The following PRMT8 variants were observed in gnomAD, a reference collection of about 807,000 sequenced individuals.
PRMT8 encodes protein arginine methyltransferase 8.
In PRMT8, 7 loss-of-function variants were observed where a neutral mutation model predicts 47.1. The observed-to-expected ratio is 0.15, with a 90% confidence interval of 0.08 to 0.28. The LOEUF (loss-of-function observed/expected upper bound fraction) is 0.28, where lower values mean the gene tolerates loss of function less well. PRMT8 is among the 10% of genes least tolerant of loss of function. PRMT8 has a pLI of 1.00. For missense variants in PRMT8, 237 were observed against 505.4 expected, an observed-to-expected ratio of 0.47 and a Z score of 5.09; for synonymous variants, 188 against 186.5, an observed-to-expected ratio of 1.01 and a Z score of -0.07.
At chr12:3,476,103 C>A (rs577738495) in intron 1 of PRMT8, among the ~76,000 whole-genome samples, 1 of 152,116 alleles carries the variant, frequency 6.6e-6, no homozygotes, top group Non-Finnish European at 1.5e-5. Flanking sequence ...TTCATTTTCC[C>A]TCTAAACACT....
chr12:3,586,613 AG>A (rs1293631058), intron 8 of PRMT8, among the ~76,000 whole-genome samples: 1 of 152,124 alleles, frequency 6.6e-6, no homozygotes, highest in Non-Finnish European at 1.5e-5. Flanking sequence ...CAAATTCTTG[AG>A]CCTCACCCTG....
intron 1 of PRMT8, among the ~76,000 whole-genome samples, chr12:3,394,924 C>G (rs1397121693): frequency 6.6e-6 from 1 of 151,792 alleles, no homozygotes; most frequent in South Asian, 2.1e-4. Flanking sequence ...TCAACTTCTT[C>G]CTGGTTTAGT....
intron 1 of PRMT8, among the ~76,000 whole-genome samples, chr12:3,389,098 T>C (rs1864168573): frequency 6.6e-6 from 1 of 152,158 alleles, no homozygotes. Flanking sequence ...GACCACTACA[T>C]ACATTCATAG....
chr12:3,574,234 T>C (rs1866899739), intron 6 of PRMT8, among the ~76,000 whole-genome samples: 1 of 152,184 alleles, frequency 6.6e-6, no homozygotes, highest in Non-Finnish European at 1.5e-5. Context: ...GTCAGGAGCG[T>C]TTAGAGAAGG....
At chr12:3,465,957 A>T (rs1447188932) in intron 1 of PRMT8, among the ~76,000 whole-genome samples, 1 of 152,148 alleles carries the variant, frequency 6.6e-6, no homozygotes, top group Admixed American at 6.5e-5. Context: ...CCCAGAGAGA[A>T]ACTCTACATA....
chr12:3,439,430 C>A (rs948842696), intron 1 of PRMT8, among the ~76,000 whole-genome samples: 1 of 152,152 alleles, frequency 6.6e-6, no homozygotes, highest in East Asian at 1.9e-4. Context: ...ACTGAGACAC[C>A]TGGCTCTATT....
At chr12:3,457,215 G>A (rs866019516) in intron 1 of PRMT8, among the ~76,000 whole-genome samples, 1 of 152,176 alleles carries the variant, frequency 6.6e-6, no homozygotes, top group South Asian at 2.1e-4. Context: ...CTGTGGAAGG[G>A]CAGAGGAAGG....
intron 1 of PRMT8, among the ~76,000 whole-genome samples, chr12:3,467,755 C>A (rs1403670964): frequency 1.3e-5 from 2 of 152,196 alleles, no homozygotes; most frequent in African/African-American, 4.8e-5. Flanking sequence ...AGGAGCAGGG[C>A]AAATCTGATC....
intron 1 of PRMT8, among the ~76,000 whole-genome samples, chr12:3,459,978 C>T (rs746796972): frequency 6.6e-6 from 1 of 152,236 alleles, no homozygotes; most frequent in African/African-American, 2.4e-5. Flanking sequence ...CCCTACCACA[C>T]CGTCATTCAC....
At chr12:3,461,561 G>A (rs1409484538) in intron 1 of PRMT8, among the ~76,000 whole-genome samples, 3 of 152,200 alleles carry the variant, frequency 2.0e-5, no homozygotes, top group Non-Finnish European at 2.9e-5. Flanking sequence ...CGGAATTAAC[G>A]GAAGCTGCCA....
chr12:3,412,303 G>A (rs1295354158), intron 1 of PRMT8, among the ~76,000 whole-genome samples: 2 of 152,218 alleles, frequency 1.3e-5, no homozygotes, highest in East Asian at 3.8e-4. Context: ...TACCATGAAT[G>A]GAGCTTACAG....
At chr12:3,469,937 C>G (rs938326016) in intron 1 of PRMT8, among the ~76,000 whole-genome samples, 14 of 152,136 alleles carry the variant, frequency 9.2e-5, no homozygotes, top group Admixed American at 6.5e-4. Context: ...CACGTGCTGG[C>G]CAAGGTGCCG....
At chr12:3,396,859 A>G (rs879589526) in intron 1 of PRMT8, among the ~76,000 whole-genome samples, 32 of 151,984 alleles carry the variant, frequency 2.1e-4, no homozygotes, top group Admixed American at 5.9e-4. Context: ...CCAATCAGAC[A>G]TAGATTTGGT....
chr12:3,476,491 C>T (rs992718907), intron 1 of PRMT8, among the ~76,000 whole-genome samples: 9 of 152,098 alleles, frequency 5.9e-5, no homozygotes, highest in Admixed American at 5.9e-4. Context: ...GTCCAGAAGG[C>T]CCACAGGTGC....
chr12:3,575,758 C>G (rs1360428154), intron 6 of PRMT8, among the ~76,000 whole-genome samples: 1 of 152,212 alleles, frequency 6.6e-6, no homozygotes, highest in Non-Finnish European at 1.5e-5. Flanking sequence ...GTGACTCATG[C>G]CTGTTATCCC....
chr12:3,420,460 C>T (rs775604016), intron 1 of PRMT8, among the ~76,000 whole-genome samples: 4 of 152,178 alleles, frequency 2.6e-5, no homozygotes, highest in Non-Finnish European at 5.9e-5. Context: ...GTATGAGCCT[C>T]CATGGTGGGA....
At chr12:3,427,048 A>C (rs142797677) in intron 1 of PRMT8, among the ~76,000 whole-genome samples, 9 of 152,210 alleles carry the variant, frequency 5.9e-5, no homozygotes, top group African/African-American at 9.7e-5. Flanking sequence ...GGACATCAGC[A>C]GTGGACTTTA....
At chr12:3,519,989 A>G (rs1299421829) in intron 1 of PRMT8, among the ~76,000 whole-genome samples, 1 of 152,218 alleles carries the variant, frequency 6.6e-6, no homozygotes, top group Non-Finnish European at 1.5e-5. Flanking sequence ...GCGAAAGAGG[A>G]TGCCACTTTG....
At chr12:3,467,719 C>T (rs1865116124) in intron 1 of PRMT8, among the ~76,000 whole-genome samples, 1 of 152,206 alleles carries the variant, frequency 6.6e-6, no homozygotes, top group Admixed American at 6.5e-5. Flanking sequence ...GAGCATTTCT[C>T]AGAAGGCTAG....
Sources: allele counts gnomAD v4.1 joint callset (sites outside exome capture counted in the v4.1 genomes callset), GRCh38; gene constraint gnomAD v4.1.1; transcripts MANE v1.5; gene names NCBI Gene and HGNC (gene_info 2026-07-23, HGNC 2026-07-21).